Variants in MDGA2 observed in about 807,000 individuals in gnomAD.
MDGA2 encodes MAM domain-containing glycosylphosphatidylinositol anchor protein 2.
MDGA2 carries 40 observed loss-of-function variants against 117.8 expected under a neutral mutation model. The observed-to-expected ratio is 0.34, with a 90% CI of 0.26 to 0.44. The LOEUF is 0.44. MDGA2 is among the 20% of genes least tolerant of loss of function. MDGA2 has a pLI of 1.00. For missense variants in MDGA2, 1,123 were observed against 1,250.6 expected (o/e 0.90, Z 1.54); for synonymous variants, 452 against 439.0 (o/e 1.03, Z -0.37).
chr14:47,477,287 T>C (rs549330371), intron 1 of MDGA2, among the ~76,000 whole-genome samples: 1 of 152,280 alleles, frequency 6.6e-6, no homozygotes, highest in East Asian at 1.9e-4. Flanking sequence ...TTTTTTTCAG[T>C]TTTTAGTCAT....
intron 5 of MDGA2, among the ~76,000 whole-genome samples, chr14:47,100,988 AT>A (rs1161909609): frequency 1.3e-5 from 2 of 151,422 alleles, no homozygotes; most frequent in African/African-American, 2.4e-5. Context: ...TGCCACAGAG[AT>A]TTGAGTCTCC....
chr14:47,075,633 A>T (rs1171039035), intron 6 of MDGA2, among the ~76,000 whole-genome samples: 2 of 152,204 alleles, frequency 1.3e-5, no homozygotes, highest in Non-Finnish European at 2.9e-5. Context: ...GTAAAGAGGC[A>T]CTATATCACC....
At chr14:46,911,716 A>G (rs1883712380) in intron 10 of MDGA2, among the ~76,000 whole-genome samples, 1 of 152,240 alleles carries the variant, frequency 6.6e-6, no homozygotes, top group African/African-American at 2.4e-5. Flanking sequence ...AAGAGTAAAG[A>G]TCCCATGGCA....
rs568628791 is a variant in MDGA2 at position 47,401,145 on chromosome 14, G to A, written c.281-99595C>T. Among the ~76,000 whole-genome samples the A allele has an allele frequency of 4.6e-5, 7 of 151,846 alleles. No individual in the cohort carries two copies. In the South Asian group the frequency reaches 1.3e-3, roughly 27 times the overall value. ...TAGAATCTCAATAAAAACACATCAA[G>A]TAGATAAATTAACAACCAAAAACAA... On this transcript the variant is annotated intron_variant, in intron 1 of 16. Coordinates refer to ENST00000399232, the MANE Select transcript of MDGA2 (RefSeq NM_001113498.3).
chr14:47,394,405 A>G lies in MDGA2; in HGVS notation c.281-92855T>C, dbSNP rs552240799. Among the ~76,000 whole-genome samples, 3 of 152,260 alleles carry G rather than the reference A, an allele frequency of 2.0e-5. No individual in the cohort carries two copies. The South Asian group carries it at 6.2e-4, about 32-fold the overall frequency. On this transcript the variant is annotated intron_variant, in intron 1 of 16. Coordinates refer to ENST00000399232, the MANE Select transcript of MDGA2 (RefSeq NM_001113498.3). ...GTGTAAAAGGTCCTAGACTCCCAAT[A>G]TTTACCATTAAGAAACCATCTTAAA...
chr14:47,363,833 T>C (rs1891176293), intron 1 of MDGA2, among the ~76,000 whole-genome samples: 1 of 152,022 alleles, frequency 6.6e-6, no homozygotes. Context: ...CCAAAATAGA[T>C]GAGTGCAAAG....
At chr14:47,130,241 C>G (rs550228008) in intron 5 of MDGA2, among the ~76,000 whole-genome samples, 3 of 152,132 alleles carry the variant, frequency 2.0e-5, no homozygotes, top group African/African-American at 4.8e-5. Flanking sequence ...ACATTTAAGT[C>G]TTTAATCCAT....
At chr14:47,018,760 A>AAAAAAAAAAC (rs1214320412) in intron 8 of MDGA2, among the ~76,000 whole-genome samples, 1 of 136,490 alleles carries the variant, frequency 7.3e-6, no homozygotes, top group Non-Finnish European at 1.6e-5. Context: ...AAAAAAAAAA[A>AAAAAAAAAAC]AAGTCTCCAT....
chr14:47,452,049 A>G (rs1234364747), intron 1 of MDGA2, among the ~76,000 whole-genome samples: 1 of 152,144 alleles, frequency 6.6e-6, no homozygotes, highest in Non-Finnish European at 1.5e-5. Context: ...AAAATCTTAA[A>G]GAAGACATGT....
chr14:46,994,980 T>A (rs923882222), intron 8 of MDGA2, among the ~76,000 whole-genome samples: 8 of 152,130 alleles, frequency 5.3e-5, no homozygotes, highest in Non-Finnish European at 7.4e-5. Flanking sequence ...ACACCCATAT[T>A]GGTCAATACC....
chr14:47,171,670 G>A (rs1229779149), intron 3 of MDGA2, among the ~76,000 whole-genome samples: 2 of 152,208 alleles, frequency 1.3e-5, no homozygotes, highest in East Asian at 1.9e-4. Context: ...GGGCAGCCAA[G>A]ATGGCCGAAT....
intron 16 of MDGA2, among the ~76,000 whole-genome samples, chr14:46,845,199 A>G (rs1880784231): frequency 6.6e-6 from 1 of 152,120 alleles, no homozygotes; most frequent in Admixed American, 6.5e-5. Context: ...ATGATTTTAT[A>G]AGGGGCACTT....
chr14:46,943,275 T>G (rs980175941), intron 9 of MDGA2, among the ~76,000 whole-genome samples: 3 of 152,042 alleles, frequency 2.0e-5, no homozygotes, highest in Non-Finnish European at 4.4e-5. Context: ...TGTGTCTTTG[T>G]ATTTGAAGTG....
chr14:47,227,957 T>C (rs1886565295), intron 2 of MDGA2, among the ~76,000 whole-genome samples: 1 of 152,120 alleles, frequency 6.6e-6, no homozygotes, highest in South Asian at 2.1e-4. Context: ...AATCCCAGAC[T>C]TTTAGCCACC....
intron 5 of MDGA2, 31 bp from the exon 6 acceptor site, chr14:47,097,154 T>A: frequency 6.3e-7 from 1 of 1,597,036 alleles, no homozygotes; most frequent in Middle Eastern, 1.7e-4. Context: ...AACGTGCACC[T>A]ATTTAGATAT....
intron 7 of MDGA2, chr14:47,059,242 G>A (rs1434104346): frequency 4.9e-6 from 5 of 1,021,662 alleles, no homozygotes; most frequent in African/African-American, 1.6e-5. Flanking sequence ...ATAGCAATGA[G>A]TGATGCAGAC....
chr14:47,458,248 T>G (rs1893404614), intron 1 of MDGA2, among the ~76,000 whole-genome samples: 1 of 152,212 alleles, frequency 6.6e-6, no homozygotes, highest in Non-Finnish European at 1.5e-5. Context: ...TTCACTTTGT[T>G]GGTTGTATCC....
chr14:47,415,058 A>G (rs1454799341), intron 1 of MDGA2, among the ~76,000 whole-genome samples: 3 of 152,144 alleles, frequency 2.0e-5, no homozygotes, highest in Non-Finnish European at 4.4e-5. Flanking sequence ...TTTAACACCA[A>G]TAAACTAATG....
Position 46,865,205 on chromosome 14 carries a change from A to T in MDGA2, c.2752+8228T>A, listed in dbSNP as rs573760825. 2.0e-5 allele frequency among the ~76,000 whole-genome samples: 3 copies of T among 152,224 alleles called. No individual in the cohort carries two copies. The East Asian group carries it at 5.8e-4, about 29-fold the overall frequency. On this transcript the variant is annotated intron_variant, in intron 14 of 16. Transcript: ENST00000399232. ...CTTTCTCAATATCTTGTATAAAAAT[A>T]TTTAAGTTCCTAGTTTAAAATCCTT...
Sources: gnomAD v4.1 joint callset for allele counts (sites outside exome capture counted in the v4.1 genomes callset) on GRCh38, gnomAD v4.1.1 for gene constraint, MANE v1.5 for transcripts, NCBI Gene and HGNC (gene_info 2026-07-23, HGNC 2026-07-21) for gene names.